Variants in DTNB observed in about 807,000 individuals in gnomAD.
DTNB encodes DTN-B.
A neutral mutation model predicts 90.7 loss-of-function variants in DTNB; 63 were observed. The observed-to-expected ratio is 0.69, with a 90% CI of 0.57 to 0.86. The LOEUF (loss-of-function observed/expected upper bound fraction) is 0.86. Among genes scored for constraint, DTNB ranks in the 40% least tolerant of loss-of-function variants. The probability of loss-of-function intolerance (pLI) is 0.00; values close to 1 mark genes in which losing one functional copy is unlikely to be tolerated. For synonymous variants in DTNB, 277 were observed against 286.7 expected (o/e 0.97, Z 0.34); for missense variants, 744 against 807.1 (o/e 0.92, Z 0.95).
chr2:25,412,465 G>A (rs1439941312), intron 16 of DTNB, among the ~76,000 whole-genome samples: 1 of 152,182 alleles, frequency 6.6e-6, no homozygotes, highest in Non-Finnish European at 1.5e-5. Context: ...TTGGCCCACT[G>A]CCCCACTACC....
At chr2:25,636,608 A>C (rs887298214) in intron 3 of DTNB, among the ~76,000 whole-genome samples, 2 of 152,190 alleles carry the variant, frequency 1.3e-5, no homozygotes, top group Admixed American at 1.3e-4. Flanking sequence ...ACACATACAT[A>C]TATCTAGATA....
rs1558508797 is a variant in DTNB at position 25,433,912 on chromosome 2, GT to G, written c.1340del (p.Asn447ThrfsTer39). ...RQLIAELENK[N>X]REILQEIQRL... ...GGGCTCAGCCTCTGCGTTCTTACCT[GT>G]TTTTGTTTTCCAGTTCTGCAATAAG... is the stretch of plus-strand genomic sequence containing the variant. On this transcript the variant is annotated frameshift_variant, in exon 13 of 21. Coordinates refer to ENST00000406818, the MANE Select transcript of DTNB (RefSeq NM_021907.5). LOFTEE classifies it high-confidence loss of function. 1 of 1,613,490 alleles carries G rather than the reference GT, an allele frequency of 6.2e-7. No individual in the cohort carries two copies. Among genetic ancestry groups the G allele is most frequent in the Admixed American group, 1.7e-5 (1 of 59,988 alleles).
At chr2:25,519,658 T>C (rs947047639) in intron 9 of DTNB, among the ~76,000 whole-genome samples, 5 of 152,196 alleles carry the variant, frequency 3.3e-5, no homozygotes, top group Non-Finnish European at 7.3e-5. Context: ...AGCATTTCCT[T>C]GGACTGTCAC....
intron 12 of DTNB, among the ~76,000 whole-genome samples, chr2:25,449,768 CT>C (rs35325641): frequency 6.4e-4 from 89 of 139,564 alleles, no homozygotes; most frequent in Non-Finnish European, 6.1e-4. Flanking sequence ...TTTTCTTTTT[CT>C]TTTTTTTTTT....
At chr2:25,672,160 C>G (rs145564258) in intron 1 of DTNB, among the ~76,000 whole-genome samples, 1 of 122,134 alleles carries the variant, frequency 8.2e-6, no homozygotes, top group East Asian at 2.8e-4. Context: ...TTAGCCATTG[C>G]TTTAACGTGC....
At chr2:25,539,975 CTAT>C (rs1225368158) in intron 8 of DTNB, among the ~76,000 whole-genome samples, 4 of 152,106 alleles carry the variant, frequency 2.6e-5, no homozygotes, top group African/African-American at 7.2e-5. Context: ...AATAAATGGA[CTAT>C]TATTACATAT....
At chr2:25,630,926 GTAAAAGATACCAGACAGTTAAAAA>G (rs1481177365) in intron 3 of DTNB, among the ~76,000 whole-genome samples, 1 of 148,422 alleles carries the variant, frequency 6.7e-6, no homozygotes, top group African/African-American at 2.5e-5. Context: ...ATTATTCTAA[GTAAAAGATACCAGACAGTTAAAAA>G]TAAAAGATAC....
At chr2:25,487,711 C>G (rs890117041) in intron 9 of DTNB, among the ~76,000 whole-genome samples, 1 of 152,012 alleles carries the variant, frequency 6.6e-6, no homozygotes, top group African/African-American at 2.4e-5. Flanking sequence ...ATTAAGAGAA[C>G]CCTAGATAGA....
intron 4 of DTNB, among the ~76,000 whole-genome samples, chr2:25,616,659 G>A (rs929070859): frequency 5.7e-5 from 7 of 121,962 alleles, no homozygotes; most frequent in Admixed American, 3.3e-4. Context: ...TTGGCCGGGC[G>A]CAGTGGCTCA....
intron 7 of DTNB, among the ~76,000 whole-genome samples, chr2:25,578,278 A>G (rs1422264354): frequency 6.6e-6 from 1 of 152,204 alleles, no homozygotes; most frequent in African/African-American, 2.4e-5. Context: ...TATTACTTCT[A>G]AGAAATTCAG....
chr2:25,395,273 C>T (rs990226695), intron 16 of DTNB, among the ~76,000 whole-genome samples: 8 of 152,056 alleles, frequency 5.3e-5, no homozygotes, highest in African/African-American at 1.9e-4. Flanking sequence ...ACATGGGGTA[C>T]AGTGTACACT....
intron 3 of DTNB, among the ~76,000 whole-genome samples, chr2:25,633,737 G>A (rs975669012): frequency 2.0e-5 from 3 of 151,854 alleles, no homozygotes; most frequent in Admixed American, 2.0e-4. Context: ...CTTCCCGACC[G>A]CCATCCCATC....
chr2:25,595,576 AAC>A (rs1470426519), intron 6 of DTNB, among the ~76,000 whole-genome samples: 1 of 152,172 alleles, frequency 6.6e-6, no homozygotes, highest in African/African-American at 2.4e-5. Context: ...AGATCTCAGA[AAC>A]ACACTCATTC....
intron 4 of DTNB, among the ~76,000 whole-genome samples, chr2:25,621,324 C>T (rs914175049): frequency 6.6e-4 from 100 of 151,912 alleles, no homozygotes; most frequent in African/African-American, 2.4e-3. Flanking sequence ...AAGACATTTG[C>T]TTTTATTTGA....
intron 2 of DTNB, among the ~76,000 whole-genome samples, chr2:25,647,133 T>C (rs2148896837): frequency 6.6e-6 from 1 of 152,278 alleles, no homozygotes; most frequent in East Asian, 1.9e-4. Context: ...ATTAGCTCTA[T>C]CAATATGCTA....
intron 2 of DTNB, among the ~76,000 whole-genome samples, chr2:25,645,007 G>A (rs1002816224): frequency 2.6e-5 from 4 of 152,142 alleles, no homozygotes; most frequent in Non-Finnish European, 5.9e-5. Flanking sequence ...AAATGCTGGG[G>A]ACACAAGCCT....
intron 6 of DTNB, among the ~76,000 whole-genome samples, chr2:25,581,434 T>C (rs1193923814): frequency 6.6e-6 from 1 of 152,218 alleles, no homozygotes; most frequent in Non-Finnish European, 1.5e-5. Context: ...ATCATAGAGA[T>C]AGTTACGATA....
At chr2:25,551,252 A>G (rs994523757) in intron 8 of DTNB, among the ~76,000 whole-genome samples, 2 of 152,186 alleles carry the variant, frequency 1.3e-5, no homozygotes, top group Non-Finnish European at 2.9e-5. Flanking sequence ...TTTAATGCGC[A>G]TGAAAGTCTA....
At position 25,456,563 on chromosome 2, in the gene DTNB, T is replaced by G. The variant is rs145657677; in HGVS notation, c.1080-1069A>C. Among the ~76,000 whole-genome samples the G allele has an allele frequency of 4.9e-3, 740 of 151,906 alleles. 3 individuals are homozygous for G. The highest frequency in any genetic ancestry group is 6.5e-3 in the Non-Finnish European group (444 of 67,994). The stretch of plus-strand genomic sequence containing the variant: ...ATGTGACTGATACATTTCTGGGTTT[T>G]TTTTTGTTTTTGTTTTTTTGTTTTT... On this transcript the variant is annotated intron_variant, in intron 10 of 20. Coordinates refer to ENST00000406818, the MANE Select transcript of DTNB (RefSeq NM_021907.5).
Sources: allele counts gnomAD v4.1 joint callset (sites outside exome capture counted in the v4.1 genomes callset), GRCh38; gene constraint gnomAD v4.1.1; transcripts MANE v1.5; gene names NCBI Gene and HGNC (gene_info 2026-07-23, HGNC 2026-07-21).